PDE4C: variants seen among roughly 807,000 people sequenced by gnomAD.
The protein encoded by PDE4C is 3',5'-cyclic-AMP phosphodiesterase 4C.
A neutral mutation model predicts 63.9 loss-of-function variants in PDE4C; 50 were observed. The ratio of observed to expected loss-of-function variants is 0.78; its 90% confidence interval spans 0.62 to 0.99. PDE4C has a LOEUF of 0.99. PDE4C is among the 50% of genes least tolerant of loss of function. PDE4C has a pLI of 0.00. For synonymous variants in PDE4C, 377 were observed against 385.1 expected (o/e 0.98, Z 0.25); for missense variants, 777 against 899.1 (o/e 0.86, Z 1.74).
rs192701966 is a variant in PDE4C at position 18,219,735 on chromosome 19, A to G, written c.707-338T>C. The G allele has an allele frequency of 4.3e-3, 1,064 of 245,792 alleles. 16 individuals are homozygous for G. The highest frequency in any genetic ancestry group is 0.023 in the African/African-American group (994 of 43,834). 15.2% of individuals were successfully genotyped at this position (245,792 alleles called of 1,614,324 possible). ...GCTACTCAGGAGGCTGAGGTGGGAG[A>G]ATTGCTTGAACCCAGGAGGCGGAGG... is the stretch of plus-strand genomic sequence containing the variant. On this transcript the variant is annotated intron_variant, in intron 7 of 14. Transcript: ENST00000262805.
At chr19:18,252,614 CTCTT>C, upstream of PDE4C, 2 of 379,106 alleles carry the variant, frequency 5.3e-6, no homozygotes, top group East Asian at 3.7e-5. Context: ...CTTTCTCTCT[CTCTT>C]TTTTTTTTTC....
Position 18,212,473 on chromosome 19 carries a change from C to CTT in PDE4C, c.1513-534_1513-533dup, listed in dbSNP as rs368839228. Among the ~76,000 whole-genome samples the CTT allele has an allele frequency of 1.2e-3, 163 of 131,962 alleles. 1 individual carries two copies. The highest frequency in any genetic ancestry group is 4.6e-3 in the East Asian group (20 of 4,362). The allele number at this position is 131,962 out of a possible 152,430, so 86.6% of individuals were successfully genotyped here. ...TACAGGTGTGAGCCACTGAGCCCAG[C>CTT]TTTTTTTTTTTTTTTTTAAGAGACA... On this transcript the variant is annotated intron_variant, in intron 13 of 14. Coordinates refer to ENST00000262805, the Ensembl canonical transcript of PDE4C.
intron 1 of PDE4C, among the ~76,000 whole-genome samples, chr19:18,225,158 C>T (rs903612158): frequency 1.3e-5 from 2 of 152,122 alleles, no homozygotes; most frequent in African/African-American, 4.8e-5. Context: ...GCGGGCGGTG[C>T]GGGGGTAGAG....
At chr19:18,229,102 ATTTTTTTTTTT>A (rs56379821), upstream of PDE4C, among the ~76,000 whole-genome samples, 3 of 124,552 alleles carry the variant, frequency 2.4e-5, no homozygotes, top group Admixed American at 8.5e-5. Flanking sequence ...TGCCAAGCTA[ATTTTTTTTTTT>A]TTTTTTTTTT....
chr19:18,223,490 G>A (rs1968583621), intron 1 of PDE4C, among the ~76,000 whole-genome samples: 1 of 152,214 alleles, frequency 6.6e-6, no homozygotes, highest in African/African-American at 2.4e-5. Flanking sequence ...GATTACAGGC[G>A]TGAGCCACCG....
In PDE4C at chr19:18,220,472, C is replaced by A; in HGVS notation, c.543G>T (p.Leu181=). ...TCTCCAACTGATCCAGGCACCAGTC[C>A]AGCTCGTCTAGCGTCTCCAATGCCA... Residue 181 remains leucine, a synonymous_variant, in exon 6 of 15, where the codon CTG becomes CTT. Transcript: ENST00000262805. The surrounding 1 kb of genome is among the most constrained non-coding windows in gnomAD (Gnocchi z 5.1). 1 of 1,614,146 alleles carries A rather than the reference C, an allele frequency of 6.2e-7. No individual in the cohort carries two copies.
At chr19:18,253,576 A>ACG in the PDE4C span, among the ~76,000 whole-genome samples, 1 of 151,250 alleles carries the variant, frequency 6.6e-6, no homozygotes, top group African/African-American at 2.4e-5. Context: ...ACACACACAC[A>ACG]ATAGAATAGA....
In PDE4C at chr19:18,240,254, G is replaced by A. The variant is rs933167824; in HGVS notation, c.-209-6854C>T. Among the ~76,000 whole-genome samples, 11 of 151,400 alleles carry A rather than the reference G, an allele frequency of 7.3e-5. No homozygotes were observed. In the South Asian group the frequency reaches 8.4e-4, roughly 12 times the overall value. On this transcript the variant is annotated intron_variant, in intron 1 of 15. Transcript: ENST00000594617. ...AGTTCAAAACCAGCCTGGGCACCCC[G>A]TCGCTACAAAACATTTTATAAATTA...
upstream of PDE4C, among the ~76,000 whole-genome samples, chr19:18,230,989 C>A (rs546646006): frequency 3.3e-5 from 5 of 152,342 alleles, no homozygotes; most frequent in African/African-American, 1.2e-4. Flanking sequence ...ATTCCCCCAA[C>A]AGTTTCTAGG....
chr19:18,218,794 A>AGG, intron 9 of PDE4C, 146 bp downstream of exon 9: 1 of 758,472 alleles, frequency 1.3e-6, no homozygotes, highest in Admixed American at 2.0e-5. Context: ...GTGAACTCCT[A>AGG]TTCATCCTTC....
exon 14 of PDE4C, chr19:18,211,893 G>C (rs1456693536): frequency 1.9e-6 from 3 of 1,614,134 alleles, no homozygotes; most frequent in African/African-American, 2.7e-5. Context: ...AGGGGCAGCG[G>C]CTTGGTGGGG....
At chr19:18,229,639 G>C (rs1165219451), upstream of PDE4C, among the ~76,000 whole-genome samples, 1 of 152,102 alleles carries the variant, frequency 6.6e-6, no homozygotes, top group Non-Finnish European at 1.5e-5. Context: ...GCCCCAGAGA[G>C]ATTTTTTTAA....
intron 11 of PDE4C, 38 bp from the exon 12 acceptor site, chr19:18,216,933 C>G (rs375529588): frequency 6.4e-7 from 1 of 1,558,442 alleles, no homozygotes; most frequent in South Asian, 1.2e-5. Context: ...AAGATCCACC[C>G]GCCCCACCCA....
At chr19:18,254,375 C>A in the PDE4C span, among the ~76,000 whole-genome samples, 1 of 152,200 alleles carries the variant, frequency 6.6e-6, no homozygotes, top group Non-Finnish European at 1.5e-5. Flanking sequence ...TGTTGAGTGC[C>A]TGGCACTGAG....
chr19:18,226,631 G>C (rs1021166625), upstream of PDE4C, among the ~76,000 whole-genome samples: 27 of 129,710 alleles, frequency 2.1e-4, no homozygotes, highest in Non-Finnish European at 2.7e-4. Flanking sequence ...TTTTTGAGAC[G>C]ATCTCGCTGT....
At chr19:18,242,776 C>T (rs1165235283) in intron 1 of PDE4C, among the ~76,000 whole-genome samples, 6 of 118,830 alleles carry the variant, frequency 5.0e-5, no homozygotes, top group African/African-American at 6.9e-5. Context: ...CAGAGCAAGA[C>T]TTTCACCTCA....
rs763152273 is a variant in PDE4C at position 18,211,830 on chromosome 19, G to A, written c.1624C>T (p.Arg542Cys). 51 of 1,614,088 alleles carry A rather than the reference G, an allele frequency of 3.2e-5. 1 individual carries two copies. The highest frequency in any genetic ancestry group is 2.4e-4 in the South Asian group (22 of 91,092). The stretch of plus-strand genomic sequence containing the variant: ...ATGTCCAGGCCCGACTCACGCTCGC[G>A]GTCTCCCTGCTGGAAGAACTCGGCC... The change falls in exon 14 of 15, where the codon CGC (arginine) becomes TGC (cysteine). Residue 542 changes from arginine to cysteine, a missense_variant. This residue lies in a region of PDE4C where 500 missense variants were observed against 597.8 expected (regional missense o/e 0.84). Coordinates refer to ENST00000262805, the Ensembl canonical transcript of PDE4C.
upstream of PDE4C, chr19:18,252,290 G>A (rs1969239887): frequency 2.5e-6 from 1 of 399,098 alleles, no homozygotes; most frequent in Non-Finnish European, 4.4e-6. Flanking sequence ...GGCTCGGCTG[G>A]ATGGTAGGGG....
chr19:18,239,736 G>A (rs1969007568), intron 1 of PDE4C, among the ~76,000 whole-genome samples: 1 of 151,990 alleles, frequency 6.6e-6, no homozygotes, highest in Non-Finnish European at 1.5e-5. Flanking sequence ...CATTAAAACT[G>A]GGAAACTGGC....
Sources: gnomAD v4.1 joint callset for allele counts (sites outside exome capture counted in the v4.1 genomes callset) on GRCh38, gnomAD v4.1.1 for gene constraint, gnomAD v4.1.1 regional missense constraint, Gnocchi (gnomAD v3.1) non-coding constraint, MANE v1.5 for transcripts, NCBI Gene and HGNC (gene_info 2026-07-23, HGNC 2026-07-21) for gene names.